The following FAT4 variants were observed in gnomAD, a reference collection of about 807,000 sequenced individuals.
FAT4 encodes the protein FAT atypical cadherin 4, also known as protocadherin Fat 4.
FAT4 carries 84 observed loss-of-function variants against 303.9 expected under a neutral mutation model. The ratio of observed to expected loss-of-function variants is 0.28; its 90% CI spans 0.23 to 0.33. The LOEUF is 0.33. Ranked by LOEUF, FAT4 falls within the 10% of genes least tolerant of loss-of-function variation. The pLI is 1.00. For missense variants in FAT4, 6,005 were observed against 6,146.8 expected, an observed-to-expected ratio of 0.98 and a Z score of 0.77; for synonymous variants, 2,307 against 2,298.8, an observed-to-expected ratio of 1.00 and a Z score of -0.10.
At position 125,415,185 on chromosome 4, in the gene FAT4, A is replaced by AACTG; in HGVS notation, c.6225_6228dup (p.Pro2077Ter). On this transcript the variant is annotated frameshift_variant, in exon 6 of 18. Coordinates refer to ENST00000394329, the MANE Select transcript of FAT4 (RefSeq NM_001291303.3). LOFTEE classifies it high-confidence loss of function. ...ATACTGTTGTTTTCAAAGCTCAAGC[A>AACTG]ACTGACCCAGATAGTGGCCCAAACA... The AACTG allele has an allele frequency of 6.2e-7, 1 of 1,614,138 alleles. No individual in the cohort carries two copies. Among genetic ancestry groups the AACTG allele is most frequent in the Non-Finnish European group, 8.5e-7 (1 of 1,179,992 alleles).
intron 10 of FAT4, among the ~76,000 whole-genome samples, chr4:125,460,602 A>G (rs534031568): frequency 1.3e-5 from 2 of 152,258 alleles, no homozygotes; most frequent in South Asian, 2.1e-4. Context: ...ATGTTCCCAC[A>G]AAAGACATAA....
At chr4:125,339,985 T>C (rs909610921) in intron 2 of FAT4, among the ~76,000 whole-genome samples, 4 of 152,176 alleles carry the variant, frequency 2.6e-5, no homozygotes, top group African/African-American at 9.6e-5. Flanking sequence ...CTTTAAGTCC[T>C]TTTTGAAATG....
chr4:125,427,706 C>A (rs1271319636), intron 7 of FAT4, among the ~76,000 whole-genome samples: 1 of 152,014 alleles, frequency 6.6e-6, no homozygotes, highest in Non-Finnish European at 1.5e-5. Context: ...AAAAAAGAAG[C>A]TAATACTTTA....
rs1322270578 is a variant in FAT4, at chr4:125,448,628, G to A, written c.7618G>A (p.Val2540Met). Residue 2540 changes from valine to methionine, a missense_variant, in exon 10 of 18, where the codon GTG becomes ATG. Transcript: ENST00000394329. ...CGGAGCTTCAGAAGTGACATTTTCT[G>A]TGCATGTAAAAGATGGTGGCTCATT... ...LNGASEVTFS[V>M]HVKDGGSFPK... 6.2e-7 allele frequency: 1 copy of A among 1,613,756 alleles called. No homozygotes were observed. The highest frequency in any genetic ancestry group is 8.5e-7 in the Non-Finnish European group (1 of 1,179,898).
Position 125,460,899 on chromosome 4 carries a change from A to G in FAT4, c.11801-2664A>G, listed in dbSNP as rs150626748. On this transcript the variant is annotated intron_variant, in intron 10 of 17. Coordinates refer to ENST00000394329, the MANE Select transcript of FAT4 (RefSeq NM_001291303.3). ...AATTATCCACTAAGACAAAGTAAAA[A>G]GGAACAACCTTATTTTTAAACTGAA... Among the ~76,000 whole-genome samples the G allele has an allele frequency of 8.3e-3, 1,263 of 152,224 alleles. 18 individuals carry two copies. Among genetic ancestry groups the G allele is most frequent in the African/African-American group, 0.029 (1,215 of 41,558 alleles).
At chr4:125,487,319 C>T (rs1206093796) in intron 16 of FAT4, 26 bp from the exon 17 acceptor site, 3 of 1,579,130 alleles carry the variant, frequency 1.9e-6, no homozygotes, top group Non-Finnish European at 2.6e-6. Context: ...ATTTTAATTG[C>T]ATACTATTTT....
chr4:125,414,813 A>G (rs765174587), intron 5 of FAT4, 71 bp from the exon 6 acceptor site: 11 of 1,048,198 alleles, frequency 1.0e-5, no homozygotes, highest in South Asian at 7.8e-5. Context: ...ATTACTTGCT[A>G]AAAGTTTTGG....
rs186046241 is a variant in FAT4, at chr4:125,386,767, C to A, written c.5176-12017C>A. On this transcript the variant is annotated intron_variant, in intron 2 of 17. Coordinates refer to ENST00000394329, the MANE Select transcript of FAT4 (RefSeq NM_001291303.3). ...TTGTTATTGTTTTGAAGTAAAAATA[C>A]AACACAAGACTCTAGAAAGAGACTT... Among the ~76,000 whole-genome samples, 259 of 152,124 alleles carry A rather than the reference C, an allele frequency of 1.7e-3. 3 individuals are homozygous for A. The highest frequency in any genetic ancestry group is 5.7e-3 in the African/African-American group (237 of 41,496).
chr4:125,483,169 G>C (rs1017125828), intron 16 of FAT4, among the ~76,000 whole-genome samples: 1 of 152,098 alleles, frequency 6.6e-6, no homozygotes, highest in African/African-American at 2.4e-5. Flanking sequence ...TTGAAGCAAA[G>C]GACCCAGTTC....
At chr4:125,469,448 C>T (rs1726785917) in intron 12 of FAT4, among the ~76,000 whole-genome samples, 1 of 152,114 alleles carries the variant, frequency 6.6e-6, no homozygotes, top group Admixed American at 6.5e-5. Context: ...TGATTGATAC[C>T]ATTTTACCCA....
intron 2 of FAT4, among the ~76,000 whole-genome samples, chr4:125,340,113 A>G (rs1358874902): frequency 6.6e-6 from 1 of 152,056 alleles, no homozygotes; most frequent in Non-Finnish European, 1.5e-5. Flanking sequence ...AACGTTCAAC[A>G]TATTTTTTCA....
chr4:125,425,856 G>C (rs554494340), intron 7 of FAT4, among the ~76,000 whole-genome samples: 2 of 152,186 alleles, frequency 1.3e-5, no homozygotes, highest in Admixed American at 6.5e-5. Flanking sequence ...TAAAGTATTT[G>C]TGTGTCAGCA....
At chr4:125,484,437 AC>A (rs1374848674) in intron 16 of FAT4, among the ~76,000 whole-genome samples, 3 of 152,008 alleles carry the variant, frequency 2.0e-5, no homozygotes, top group African/African-American at 7.2e-5. Context: ...CTTTATTTCT[AC>A]TCTAAATCAG....
In FAT4 at chr4:125,450,248, A is replaced by G; in HGVS notation, c.9238A>G (p.Thr3080Ala). The G allele has an allele frequency of 6.2e-7, 1 of 1,614,088 alleles. No homozygotes were observed. Among genetic ancestry groups the G allele is most frequent in the Non-Finnish European group, 8.5e-7 (1 of 1,180,006 alleles). The part of the protein sequence containing the change: ...PLSSQATVHI[T>A]VTEENYHTPE... ...TTCTTCCCAAGCAACTGTTCACATAACTGTCACTGAGGAAAACTACCATAC... is the reference window on the plus strand; with the variant it reads ...TTCTTCCCAAGCAACTGTTCACATAGCTGTCACTGAGGAAAACTACCATAC... Residue 3080 changes from threonine to alanine, a missense_variant, in exon 10 of 18, where the codon ACT becomes GCT. Coordinates refer to ENST00000394329, the MANE Select transcript of FAT4 (RefSeq NM_001291303.3).
In FAT4 at chr4:125,448,564, C is replaced by G. The variant is rs1391763502; in HGVS notation, c.7554C>G (p.Asp2518Glu). The G allele has an allele frequency of 6.2e-7, 1 of 1,613,920 alleles. No homozygotes were observed. The highest frequency in any genetic ancestry group is 2.2e-5 in the East Asian group (1 of 44,876). The change falls in exon 10 of 18, where the codon GAC (aspartate) becomes GAG (glutamate). Residue 2518 changes from aspartate (D) to glutamate (E), a missense_variant. Transcript: ENST00000394329. ...GAAATTCTGAAAAATTTCACATTGA[C>G]CCACTGAGGGGAGCCATTATGGCCG... ...SGRNSEKFHIDPLRGAIMAAG... is the reference protein window; with the variant it reads ...SGRNSEKFHIEPLRGAIMAAG...
intron 2 of FAT4, among the ~76,000 whole-genome samples, chr4:125,351,205 T>C (rs1732212810): frequency 6.6e-6 from 1 of 151,784 alleles, no homozygotes; most frequent in Non-Finnish European, 1.5e-5. Flanking sequence ...TTTCTAATTT[T>C]AGGATTAAAA....
chr4:125,337,347 A>C (rs1399626717), intron 2 of FAT4, among the ~76,000 whole-genome samples: 1 of 152,108 alleles, frequency 6.6e-6, no homozygotes, highest in East Asian at 1.9e-4. Flanking sequence ...CATTAAAAGG[A>C]AAAGCATACT....
In FAT4 at chr4:125,468,538, AAC is replaced by A. The variant is rs751648701; in HGVS notation, c.11934_11935del (p.Asn3978LysfsTer5). The A allele has an allele frequency of 6.3e-7, 1 of 1,595,168 alleles. No individual in the cohort carries two copies. The highest frequency in any genetic ancestry group is 1.7e-5 in the Admixed American group (1 of 59,322). On this transcript the variant is annotated frameshift_variant, in exon 12 of 18. Coordinates refer to ENST00000394329, the MANE Select transcript of FAT4 (RefSeq NM_001291303.3). LOFTEE classifies it high-confidence loss of function. ...FGVFGKHCEL[N>X]SYGFEELSYM... ...TGTCTTTGGAAAACACTGCGAGTTG[AAC>A]AGTTATGGATTTGAGGAGTTATCAT... is the stretch of plus-strand genomic sequence containing the variant.
At chr4:125,453,383 C>T (rs1311881845) in intron 10 of FAT4, among the ~76,000 whole-genome samples, 3 of 151,934 alleles carry the variant, frequency 2.0e-5, no homozygotes, top group Non-Finnish European at 2.9e-5. Flanking sequence ...GTGAGAAGAG[C>T]GAGAATCATG....
Sources: gnomAD v4.1 joint callset for allele counts (sites outside exome capture counted in the v4.1 genomes callset) on GRCh38, gnomAD v4.1.1 for gene constraint, MANE v1.5 for transcripts, NCBI Gene and HGNC (gene_info 2026-07-23, HGNC 2026-07-21) for gene names.